BAZ2B: variants seen among roughly 807,000 people sequenced by gnomAD.
BAZ2B encodes bromodomain adjacent to zinc finger domain protein 2B.
In BAZ2B, 91 loss-of-function variants were observed where a neutral mutation model predicts 246.0. The observed-to-expected ratio is 0.37, with a 90% CI of 0.31 to 0.44. The LOEUF (loss-of-function observed/expected upper bound fraction) is 0.44. Ranked by LOEUF, BAZ2B falls within the 20% of genes least tolerant of loss-of-function variation. BAZ2B has a pLI of 1.00. For missense variants in BAZ2B, 2,332 were observed against 2,533.7 expected, an observed-to-expected ratio of 0.92 and a Z score of 1.71; for synonymous variants, 855 against 860.0, an observed-to-expected ratio of 0.99 and a Z score of 0.10.
chr2:159,553,392 C>CAAAAAAAAAAAAAAAAAAAAAAAAAAAGA (rs35253250), intron 2 of BAZ2B, among the ~76,000 whole-genome samples: 1 of 73,810 alleles, frequency 1.4e-5, no homozygotes, highest in Non-Finnish European at 2.5e-5. Flanking sequence ...GACTCTGTCT[C>CAAAAAAAAAAAAAAAAAAAAAAAAAAAGA]AAAAAAAAAA....
intron 3 of BAZ2B, among the ~76,000 whole-genome samples, chr2:159,477,649 A>G (rs897547403): frequency 8.5e-5 from 13 of 152,200 alleles, no homozygotes; most frequent in African/African-American, 2.9e-4. Flanking sequence ...AATGTATAAG[A>G]TAAGAAATAG....
In BAZ2B at chr2:159,401,718, A is replaced by C. The variant is rs76288336; in HGVS notation, c.2833-1054T>G. On this transcript the variant is annotated intron_variant, in intron 16 of 36. Transcript: ENST00000392783. ...TGTTTTATAACTTAGTGATCATATA[A>C]ATTTTGATAAAAATTTATATTTTAA... Among the ~76,000 whole-genome samples the C allele has an allele frequency of 1.9e-4, 29 of 152,268 alleles. No homozygotes were observed. In the East Asian group the frequency reaches 5.4e-3, roughly 28 times the overall value.
At chr2:159,360,456 G>A (rs562667265) in intron 27 of BAZ2B, among the ~76,000 whole-genome samples, 27 of 152,196 alleles carry the variant, frequency 1.8e-4, no homozygotes, top group African/African-American at 5.8e-4. Context: ...AATAAGAGAG[G>A]ACACAAACAA....
chr2:159,618,538 T>G (rs1418208415), upstream of BAZ2B, among the ~76,000 whole-genome samples: 1 of 152,146 alleles, frequency 6.6e-6, no homozygotes, highest in Non-Finnish European at 1.5e-5. Flanking sequence ...ACTTAGTATC[T>G]AAGACTTCTA....
chr2:159,457,025 T>C (rs935448897), intron 3 of BAZ2B, among the ~76,000 whole-genome samples: 1 of 152,162 alleles, frequency 6.6e-6, no homozygotes, highest in Admixed American at 6.5e-5. Context: ...AGTTCTGTAA[T>C]GCTATATATA....
intron 20 of BAZ2B, among the ~76,000 whole-genome samples, chr2:159,392,414 C>T (rs2063457976): frequency 6.6e-6 from 1 of 152,028 alleles, no homozygotes; most frequent in African/African-American, 2.4e-5. Context: ...TTTTGAGCTT[C>T]CATATAACTT....
chr2:159,411,617 C>T (rs1040489278), intron 14 of BAZ2B, among the ~76,000 whole-genome samples: 3 of 152,140 alleles, frequency 2.0e-5, no homozygotes, highest in South Asian at 2.1e-4. Context: ...CAGTCTTAAG[C>T]GGCTTCACAT....
At chr2:159,324,693 C>A (rs530025864) in intron 36 of BAZ2B, 118 bp downstream of exon 36, 53 of 353,626 alleles carry the variant, frequency 1.5e-4, no homozygotes, top group East Asian at 1.9e-4. Flanking sequence ...CACACACCTG[C>A]CTCAAAGGCA....
the BAZ2B span, chr2:159,694,402 A>C: frequency 6.6e-6 from 1 of 152,138 alleles, no homozygotes; most frequent in African/African-American, 2.4e-5. Flanking sequence ...GTATATTCAC[A>C]AGTTCATAAA....
chr2:159,466,806 C>T (rs1204409599), intron 3 of BAZ2B, among the ~76,000 whole-genome samples: 2 of 152,130 alleles, frequency 1.3e-5, no homozygotes, highest in South Asian at 2.1e-4. Flanking sequence ...GAGAACTACT[C>T]CCCTCTTCCT....
intron 1 of BAZ2B, among the ~76,000 whole-genome samples, chr2:159,567,843 G>A (rs544499838): frequency 7.4e-4 from 112 of 152,062 alleles, no homozygotes; most frequent in Admixed American, 1.6e-3. Context: ...ATGGTGGCAC[G>A]CATCTGTAGT....
chr2:159,393,629 T>A (rs5022534), intron 20 of BAZ2B, among the ~76,000 whole-genome samples: 100,248 of 151,700 alleles, frequency 0.66, 36,568 homozygotes, highest in Non-Finnish European at 0.83. Flanking sequence ...CTTCTGTTTC[T>A]TTTTGCTTAG....
the BAZ2B span, among the ~76,000 whole-genome samples, chr2:159,669,733 G>A: frequency 6.6e-6 from 1 of 152,022 alleles, no homozygotes; most frequent in African/African-American, 2.4e-5. Context: ...ACCTGGTATA[G>A]TTTTGTCTAT....
At chr2:159,589,990 C>T (rs1688928100) in intron 1 of BAZ2B, among the ~76,000 whole-genome samples, 1 of 151,834 alleles carries the variant, frequency 6.6e-6, no homozygotes, top group African/African-American at 2.4e-5. Flanking sequence ...AGTTTGAGAC[C>T]AGCCTGGCCA....
At chr2:159,596,309 A>G (rs1197201100) in intron 1 of BAZ2B, among the ~76,000 whole-genome samples, 1 of 152,228 alleles carries the variant, frequency 6.6e-6, no homozygotes, top group African/African-American at 2.4e-5. Context: ...TGAAGACAAC[A>G]ATGATTAATA....
At position 159,578,839 on chromosome 2, in the gene BAZ2B, A is replaced by C. The variant is rs1686009867; in HGVS notation, c.-45-22974T>G. ...CTCAATGACTACTGGGTACATAACG[A>C]GATGAAGGCAGAAATAAAGATGTTC... On this transcript the variant is annotated intron_variant, in intron 1 of 36. Transcript: ENST00000392783. 2.0e-5 allele frequency among the ~76,000 whole-genome samples: 3 copies of C among 152,212 alleles called. No homozygotes were observed. In the South Asian group the frequency reaches 6.2e-4, roughly 32 times the overall value.
the BAZ2B span, among the ~76,000 whole-genome samples, chr2:159,641,756 A>G: frequency 6.6e-6 from 1 of 152,198 alleles, no homozygotes. Flanking sequence ...GAGGGGGTCC[A>G]GTTTCAATCT....
intron 1 of BAZ2B, among the ~76,000 whole-genome samples, chr2:159,586,034 C>T (rs928003368): frequency 1.3e-5 from 2 of 152,178 alleles, no homozygotes; most frequent in African/African-American, 4.8e-5. Flanking sequence ...ATTTCATACT[C>T]AGAATCTGAA....
the BAZ2B span, among the ~76,000 whole-genome samples, chr2:159,662,669 T>G: frequency 6.6e-6 from 1 of 151,828 alleles, no homozygotes; most frequent in Non-Finnish European, 1.5e-5. Context: ...AGATTACAGG[T>G]GCCCACCACC....
Sources: allele counts gnomAD v4.1 joint callset (sites outside exome capture counted in the v4.1 genomes callset), GRCh38; gene constraint gnomAD v4.1.1; transcripts MANE v1.5; gene names NCBI Gene and HGNC (gene_info 2026-07-23, HGNC 2026-07-21).